The following TMEM87B variants were observed in gnomAD, a reference collection of about 807,000 sequenced individuals.
The protein encoded by TMEM87B is transmembrane protein 87B.
In TMEM87B, 83 loss-of-function variants were observed where a neutral mutation model predicts 80.3. The ratio of observed to expected loss-of-function variants is 1.03; its 90% CI spans 0.87 to 1.24. The LOEUF (loss-of-function observed/expected upper bound fraction) is 1.24. Among genes scored for constraint, TMEM87B ranks in the 50% most tolerant of loss-of-function variants. The pLI, the probability that TMEM87B is intolerant of heterozygous loss-of-function variation, is 0.00. For missense variants in TMEM87B, 625 were observed against 674.4 expected, an observed-to-expected ratio of 0.93 and a Z score of 0.81; for synonymous variants, 219 against 230.5, an observed-to-expected ratio of 0.95 and a Z score of 0.45.
At chr2:112,076,844 GTGTGTGTGT>G (rs1678832843) in intron 5 of TMEM87B, among the ~76,000 whole-genome samples, 1 of 10,412 alleles carries the variant, frequency 9.6e-5, no homozygotes, top group East Asian at 0.018. Flanking sequence ...TTTCTGTTTT[GTGTGTGTGT>G]GTGTGTGTGT....
intron 8 of TMEM87B, among the ~76,000 whole-genome samples, chr2:112,082,914 T>C (rs1305763639): frequency 6.6e-6 from 1 of 152,198 alleles, no homozygotes; most frequent in Non-Finnish European, 1.5e-5. Flanking sequence ...GAATCTAAGC[T>C]GTCTGAGATG....
rs1255008923 is a variant in TMEM87B, at chr2:112,089,696, A to C, written c.1010A>C (p.Glu337Ala). 1 of 1,614,114 alleles carries C rather than the reference A, an allele frequency of 6.2e-7. No homozygotes were observed. ...GLLYLIFAAV[E>A]GVMRVIGGSN... ...CTATACTTAATCTTTGCAGCTGTTG[A>C]AGGCGTGATGAGAGTCATTGGGGTA... is the stretch of plus-strand genomic sequence containing the variant. Residue 337 changes from glutamate to alanine, a missense_variant, in exon 10 of 19, where the codon GAA becomes GCA. Glu to Ala is a moderately radical substitution (Grantham distance 107). Transcript: ENST00000283206.
intron 16 of TMEM87B, among the ~76,000 whole-genome samples, chr2:112,106,637 A>T (rs1169067245): frequency 6.6e-6 from 1 of 152,210 alleles, no homozygotes; most frequent in African/African-American, 2.4e-5. Context: ...GAGCTAAAAA[A>T]TATTTTCTGC....
chr2:112,112,856 T>TA, intron 17 of TMEM87B, 43 bp from the exon 18 acceptor site: 1 of 1,598,422 alleles, frequency 6.3e-7, no homozygotes, highest in East Asian at 2.2e-5. Flanking sequence ...ACACTGGCCT[T>TA]ACTGTTAACA....
chr2:112,107,137 C>T (rs904581768), intron 16 of TMEM87B, among the ~76,000 whole-genome samples: 5 of 152,074 alleles, frequency 3.3e-5, no homozygotes, highest in Admixed American at 1.3e-4. Context: ...GCAGGCAGAT[C>T]GCTTGAGCTC....
At position 112,077,207 on chromosome 2, in the gene TMEM87B, A is replaced by G; in HGVS notation, c.517A>G (p.Thr173Ala). The change falls in exon 6 of 19, where the codon ACA becomes GCA. Residue 173 changes from threonine to alanine, a missense_variant. Coordinates refer to ENST00000283206, the MANE Select transcript of TMEM87B (RefSeq NM_032824.3). ...QERSMDVVARTQKDGFHIFIV... is the reference protein window; with the variant it reads ...QERSMDVVARAQKDGFHIFIV... Reference sequence around the variant, plus strand: ...TCTATTTCAGGATGTTGTAGCCAGAACACAAAAAGATGGGTTTCATATCTT... The same window carrying G: ...TCTATTTCAGGATGTTGTAGCCAGAGCACAAAAAGATGGGTTTCATATCTT... 1 of 1,589,168 alleles carries G rather than the reference A, an allele frequency of 6.3e-7. No homozygotes were observed. The highest frequency in any genetic ancestry group is 8.6e-7 in the Non-Finnish European group (1 of 1,169,534).
chr2:112,064,569 T>C (rs1033266305), intron 3 of TMEM87B, among the ~76,000 whole-genome samples: 1 of 152,146 alleles, frequency 6.6e-6, no homozygotes, highest in Non-Finnish European at 1.5e-5. Flanking sequence ...TTAAAAAAAT[T>C]ATAGGGAAAC....
intron 11 of TMEM87B, chr2:112,095,356 G>A: frequency 1.0e-6 from 1 of 984,160 alleles, no homozygotes. Context: ...AGGGCTATTT[G>A]TTTTCATGAC....
intron 15 of TMEM87B, among the ~76,000 whole-genome samples, chr2:112,104,455 C>T (rs756355807): frequency 2.8e-4 from 42 of 152,048 alleles, no homozygotes; most frequent in African/African-American, 1.2e-4. Flanking sequence ...CCAATAAACC[C>T]GTTAAAAGGT....
chr2:112,069,356 T>C (rs942352365), intron 4 of TMEM87B, among the ~76,000 whole-genome samples: 5 of 152,200 alleles, frequency 3.3e-5, no homozygotes, highest in African/African-American at 1.2e-4. Flanking sequence ...TTGTGTCTGC[T>C]GTTCCCCTCT....
At chr2:112,069,210 A>C (rs1023274778) in intron 4 of TMEM87B, among the ~76,000 whole-genome samples, 3 of 151,648 alleles carry the variant, frequency 2.0e-5, no homozygotes, top group East Asian at 1.9e-4. Context: ...AAAAAAAAAA[A>C]AAAAAAAAAA....
At chr2:112,084,447 T>C (rs1338698656) in intron 8 of TMEM87B, among the ~76,000 whole-genome samples, 1 of 152,200 alleles carries the variant, frequency 6.6e-6, no homozygotes, top group African/African-American at 2.4e-5. Context: ...AGGGAGCTCA[T>C]CCTTTCTGCC....
rs1680059321 is a variant in TMEM87B at position 112,117,632 on chromosome 2, GC to G, written c.*1492del. 1.3e-5 allele frequency: 2 copies of G among 151,712 alleles called. No individual in the cohort carries two copies. Among genetic ancestry groups the G allele is most frequent in the Non-Finnish European group, 2.9e-5 (2 of 67,932 alleles). The allele number at this position is 151,712 out of a possible 1,614,324, so 9.4% of individuals were successfully genotyped here. A position where few individuals can be genotyped will look rare whatever the true frequency, so the allele number is the denominator to read the frequency against. On this transcript the variant is annotated 3_prime_UTR_variant, in exon 19 of 19. Transcript: ENST00000283206. ...CCGAGAAAATCATGCTTTTCAAGAT[GC>G]CCTTGCTTTGGGATATCCTTCCTAG...
At chr2:112,101,220 A>G (rs1261608422) in intron 15 of TMEM87B, among the ~76,000 whole-genome samples, 1 of 152,174 alleles carries the variant, frequency 6.6e-6, no homozygotes, top group African/African-American at 2.4e-5. Context: ...GGGTAATTTT[A>G]TCTTTGTTTC....
At chr2:112,057,698 G>A (rs530952772) in intron 1 of TMEM87B, among the ~76,000 whole-genome samples, 12 of 152,242 alleles carry the variant, frequency 7.9e-5, no homozygotes, top group East Asian at 3.9e-4. Flanking sequence ...CTCCCAAGAC[G>A]TTCACACAAT....
chr2:112,059,912 TG>T (rs1222912482), intron 1 of TMEM87B, 64 bp from the exon 2 acceptor site: 2 of 1,556,184 alleles, frequency 1.3e-6, no homozygotes, highest in Non-Finnish European at 1.7e-6. Flanking sequence ...CTATATGTTG[TG>T]GGGTAAAACA....
chr2:112,070,746 A>C (rs1468848876), intron 4 of TMEM87B, among the ~76,000 whole-genome samples: 1 of 152,140 alleles, frequency 6.6e-6, no homozygotes, highest in African/African-American at 2.4e-5. Context: ...ATAGCATTGA[A>C]TCTGTAAGTT....
At chr2:112,071,938 T>C (rs1558833181) in intron 4 of TMEM87B, among the ~76,000 whole-genome samples, 1 of 152,044 alleles carries the variant, frequency 6.6e-6, no homozygotes, top group Non-Finnish European at 1.5e-5. Context: ...GTGGCTCTTA[T>C]TATTTTGAGA....
At chr2:112,063,382 T>C (rs1455029270) in intron 2 of TMEM87B, among the ~76,000 whole-genome samples, 6 of 152,234 alleles carry the variant, frequency 3.9e-5, no homozygotes, top group Admixed American at 3.9e-4. Flanking sequence ...CTCTCTTACC[T>C]GGATCATTCA....
Sources: allele counts gnomAD v4.1 joint callset (sites outside exome capture counted in the v4.1 genomes callset), GRCh38; gene constraint gnomAD v4.1.1; transcripts MANE v1.5; gene names NCBI Gene and HGNC (gene_info 2026-07-23, HGNC 2026-07-21).